Variants in NSL1 observed in about 807,000 individuals in gnomAD.
The protein encoded by NSL1 is kinetochore-associated protein NSL1 homolog.
NSL1 carries 11 observed loss-of-function variants against 25.4 expected under a neutral mutation model. The observed-to-expected ratio is 0.43, with a 90% confidence interval of 0.27 to 0.72. The LOEUF (loss-of-function observed/expected upper bound fraction) is 0.72. Among genes scored for constraint, NSL1 ranks in the 30% least tolerant of loss-of-function variants. The pLI, the probability that NSL1 is intolerant of heterozygous loss-of-function variation, is 0.19. For missense variants in NSL1, 330 were observed against 342.7 expected (o/e 0.96, Z 0.29); for synonymous variants, 118 against 120.6 (o/e 0.98, Z 0.14).
Position 212,737,468 on chromosome 1 carries a change from T to C in NSL1, c.*940A>G. 3 of 985,088 alleles carry C rather than the reference T, an allele frequency of 3.0e-6. No homozygotes were observed. Among genetic ancestry groups the C allele is most frequent in the Non-Finnish European group, 3.6e-6 (3 of 829,602 alleles). The allele number at this position is 985,088 out of a possible 1,614,324, so 61.0% of individuals were successfully genotyped here. On this transcript the variant is annotated 3_prime_UTR_variant, in exon 6 of 6. Coordinates refer to ENST00000366977, the MANE Select transcript of NSL1 (RefSeq NM_015471.4). ...TGATGGCCCTGCCTACACTGTATAA[T>C]GTAAGACACACAATAAGAGCTATAA...
Position 212,736,311 on chromosome 1 carries a change from C to G in NSL1, c.*2097G>C. On this transcript the variant is annotated 3_prime_UTR_variant, in exon 6 of 6. Coordinates refer to ENST00000366977, the MANE Select transcript of NSL1 (RefSeq NM_015471.4). ...AGTGCTGGGATTACAGGCATGAGCC[C>G]ACCGCGCCTGGCTATTTCTTTTCTG... The G allele has an allele frequency of 1.0e-6, 1 of 980,614 alleles. No homozygotes were observed. Among genetic ancestry groups the G allele is most frequent in the Non-Finnish European group, 1.2e-6 (1 of 825,558 alleles). The allele number at this position is 980,614 out of a possible 1,614,324, so 60.7% of individuals were successfully genotyped here.
In NSL1 at chr1:212,728,992, G is replaced by A; in HGVS notation, c.*9416C>T. ...AATGAGGAGTAATTTTAGTAAGGAGGATTTCTAAAGAAGCAGTCATTTGTC... is the reference window on the plus strand; with the variant it reads ...AATGAGGAGTAATTTTAGTAAGGAGAATTTCTAAAGAAGCAGTCATTTGTC... On this transcript the variant is annotated 3_prime_UTR_variant, in exon 6 of 6. Transcript: ENST00000366977. 1.0e-6 allele frequency: 1 copy of A among 985,200 alleles called. No individual in the cohort carries two copies. The allele number at this position is 985,200 out of a possible 1,614,324, so 61.0% of individuals were successfully genotyped here. A position where few individuals can be genotyped will look rare whatever the true frequency, so the allele number is the denominator to read the frequency against.
intron 4 of NSL1, among the ~76,000 whole-genome samples, chr1:212,752,838 T>G (rs901739449): frequency 6.8e-6 from 1 of 146,756 alleles, no homozygotes; most frequent in Non-Finnish European, 1.5e-5. Flanking sequence ...CTGTACTGAC[T>G]AAACTAGGAA....
In NSL1 at chr1:212,731,586, TA is replaced by T; in HGVS notation, c.*6821del. ...AATCTATGAGGCTTCTATCAAAAAT[TA>T]TCAGTCCCTGGCCCAGTTCCCCCAC... On this transcript the variant is annotated 3_prime_UTR_variant, in exon 6 of 6. Transcript: ENST00000366977. 1.0e-6 allele frequency: 1 copy of T among 985,410 alleles called. No homozygotes were observed. Among genetic ancestry groups the T allele is most frequent in the Non-Finnish European group, 1.2e-6 (1 of 829,920 alleles). The allele number at this position is 985,410 out of a possible 1,614,324, so 61.0% of individuals were successfully genotyped here. A position where few individuals can be genotyped will look rare whatever the true frequency, so the allele number is the denominator to read the frequency against.
At chr1:212,771,356 C>T (rs550387281) in intron 4 of NSL1, among the ~76,000 whole-genome samples, 2 of 151,860 alleles carry the variant, frequency 1.3e-5, no homozygotes, top group Non-Finnish European at 2.9e-5. Flanking sequence ...AAGAATGTAC[C>T]TCAACATAAT....
intron 4 of NSL1, among the ~76,000 whole-genome samples, chr1:212,743,984 A>C (rs1169515093): frequency 6.6e-6 from 1 of 152,062 alleles, no homozygotes; most frequent in African/African-American, 2.4e-5. Context: ...CCTTTATTTC[A>C]CCTGATTTGG....
intron 4 of NSL1, among the ~76,000 whole-genome samples, chr1:212,780,320 GTC>G (rs1296491189): frequency 2.0e-5 from 3 of 151,968 alleles, no homozygotes; most frequent in Non-Finnish European, 2.9e-5. Context: ...CTCGTTGAGA[GTC>G]ATCACCACTC....
Position 212,743,468 on chromosome 1 carries a change from G to T in NSL1, c.500-3867C>A, listed in dbSNP as rs1237669862. On this transcript the variant is annotated intron_variant, in intron 4 of 5. Transcript: ENST00000366977. ...ATGAACCACAGCGCCTGGCTTATTT[G>T]TTTTTTTTTTTTTAGCTCAATTTTC... Among the ~76,000 whole-genome samples the T allele has an allele frequency of 5.0e-3, 706 of 142,390 alleles. 4 individuals carry two copies. The highest frequency in any genetic ancestry group is 7.4e-3 in the Non-Finnish European group (488 of 65,622). 93.4% of individuals were successfully genotyped at this position (142,390 alleles called of 152,430 possible). A position where few individuals can be genotyped will look rare whatever the true frequency, so the allele number is the denominator to read the frequency against.
chr1:212,766,245 G>A, intron 4 of NSL1: 2 of 650,476 alleles, frequency 3.1e-6, no homozygotes, highest in South Asian at 1.7e-5. Context: ...TGTTGAATGG[G>A]GAAAAGTTGA....
At chr1:212,749,413 C>T (rs113540500) in intron 4 of NSL1, among the ~76,000 whole-genome samples, 3,221 of 132,324 alleles carry the variant, frequency 0.024, 58 homozygotes, top group Middle Eastern at 0.047. Context: ...GATGTGATCA[C>T]TGCTCAGTGC....
intron 4 of NSL1, among the ~76,000 whole-genome samples, chr1:212,768,412 C>T (rs887082430): frequency 6.7e-6 from 1 of 149,982 alleles, no homozygotes; most frequent in African/African-American, 2.5e-5. Flanking sequence ...GAAAATAAAT[C>T]ATTATATGAA....
Position 212,779,352 on chromosome 1 carries a change from C to T in NSL1, c.499+3020G>A, listed in dbSNP as rs574186914. ...GAGGTGGGGGGGTCAGCCCCCCTCC[C>T]GGCCAGCCGCCCCATCTCAGAGGGA... is the stretch of plus-strand genomic sequence containing the variant. On this transcript the variant is annotated intron_variant, in intron 4 of 5. Transcript: ENST00000366977. Among the ~76,000 whole-genome samples the T allele has an allele frequency of 1.9e-3, 271 of 144,470 alleles. 2 individuals carry two copies. The highest frequency in any genetic ancestry group is 6.7e-3 in the African/African-American group (262 of 39,104). The allele number at this position is 144,470 out of a possible 152,430, so 94.8% of individuals were successfully genotyped here.
intron 4 of NSL1, among the ~76,000 whole-genome samples, chr1:212,770,481 C>T (rs534692030): frequency 6.6e-6 from 1 of 151,188 alleles, no homozygotes; most frequent in Admixed American, 6.6e-5. Flanking sequence ...AAAAAACAAA[C>T]AAACAAACAA....
At chr1:212,786,383 C>G (rs983434776) in intron 2 of NSL1, among the ~76,000 whole-genome samples, 1 of 151,112 alleles carries the variant, frequency 6.6e-6, no homozygotes, top group African/African-American at 2.4e-5. Context: ...AATAATTAGC[C>G]TGAAGAAAAT....
At position 212,739,569 on chromosome 1, in the gene NSL1, C is replaced by G; in HGVS notation, c.532G>C (p.Glu178Gln). The G allele has an allele frequency of 6.2e-7, 1 of 1,613,604 alleles. No homozygotes were observed. Among genetic ancestry groups the G allele is most frequent in the Middle Eastern group, 1.7e-4 (1 of 6,054 alleles). The change falls in exon 5 of 6, where the codon GAA becomes CAA. Residue 178 changes from glutamate (E) to glutamine (Q), a missense_variant. Glu to Gln is a conservative substitution (Grantham distance 29). Transcript: ENST00000366977. ...TCACTGATCTCCTTTGCTACTGTTT[C>G]CCCTCTGCATTTCAAATTTTCCATA... ...PHMENLKCRG[E>Q]TVAKEISEAM...
chr1:212,767,917 A>G (rs560485845), intron 4 of NSL1, among the ~76,000 whole-genome samples: 2 of 152,334 alleles, frequency 1.3e-5, no homozygotes, highest in South Asian at 4.1e-4. Flanking sequence ...AAAGTCAAAA[A>G]ACAATAGATG....
intron 4 of NSL1, among the ~76,000 whole-genome samples, chr1:212,755,429 A>C (rs976513384): frequency 6.6e-6 from 1 of 151,792 alleles, no homozygotes; most frequent in Non-Finnish European, 1.5e-5. Context: ...CTCACAAAAA[A>C]CAAAAATACA....
At chr1:212,740,473 G>C (rs1243545814) in intron 4 of NSL1, among the ~76,000 whole-genome samples, 1 of 124,282 alleles carries the variant, frequency 8.0e-6, no homozygotes, top group African/African-American at 2.5e-5. Flanking sequence ...GATAATCTCA[G>C]AAAAGGGTTT....
chr1:212,788,993 A>G (rs888623855), intron 1 of NSL1, among the ~76,000 whole-genome samples: 16 of 152,220 alleles, frequency 1.1e-4, no homozygotes, highest in Admixed American at 9.2e-4. Flanking sequence ...ACTCTCCAAA[A>G]TAGTACCTTA....
Sources: gnomAD v4.1 joint callset for allele counts (sites outside exome capture counted in the v4.1 genomes callset) on GRCh38, gnomAD v4.1.1 for gene constraint, MANE v1.5 for transcripts, NCBI Gene and HGNC (gene_info 2026-07-23, HGNC 2026-07-21) for gene names.